ZNF571: variants seen among roughly 807,000 people sequenced by gnomAD.
The protein encoded by ZNF571 is zinc finger protein 571.
In ZNF571, 4 loss-of-function variants were observed where a neutral mutation model predicts 7.7. The ratio of observed to expected loss-of-function variants is 0.52; its 90% CI spans 0.25 to 1.18. The LOEUF (loss-of-function observed/expected upper bound fraction) is 1.18, where lower values mean the gene tolerates loss of function less well. Among genes scored for constraint, ZNF571 ranks in the 50% most tolerant of loss-of-function variants. ZNF571 has a pLI of 0.14. For missense variants in ZNF571, 704 were observed against 726.9 expected (o/e 0.97, Z 0.36); for synonymous variants, 251 against 232.4 (o/e 1.08, Z -0.73).
In ZNF571 at chr19:37,565,631, T is replaced by C. The variant is rs938766773; in HGVS notation, c.797A>G (p.Tyr266Cys). ...ACTATGAATTCTCTGATGAAGAGTA[T>C]ATTGTGAACAATAACTAAAGGCTTT... ...CGKAFSYCSQYTLHQRIHSGE... is the reference protein window; with the variant it reads ...CGKAFSYCSQCTLHQRIHSGE... The change falls in exon 4 of 4, where the codon TAT becomes TGT. Residue 266 changes from tyrosine (Y) to cysteine (C), a missense_variant. By Grantham distance (194) the Tyr-to-Cys change is radical. Transcript: ENST00000451802. 2 of 1,613,392 alleles carry C rather than the reference T, an allele frequency of 1.2e-6. No individual in the cohort carries two copies. The highest frequency in any genetic ancestry group is 1.7e-6 in the Non-Finnish European group (2 of 1,179,764).
chr19:37,566,553 T>G (rs993142525), intron 3 of ZNF571: 3 of 324,972 alleles, frequency 9.2e-6, no homozygotes, highest in Admixed American at 8.9e-5. Flanking sequence ...CCCAGGAGGC[T>G]TATAAAATAG....
intron 3 of ZNF571, among the ~76,000 whole-genome samples, chr19:37,578,475 T>C (rs1476696672): frequency 3.9e-5 from 6 of 152,158 alleles, no homozygotes; most frequent in Non-Finnish European, 5.9e-5. Flanking sequence ...GAAAGCCACC[T>C]AGAGTTTTTG....
At chr19:37,570,391 C>T (rs991046635) in intron 3 of ZNF571, among the ~76,000 whole-genome samples, 1 of 152,016 alleles carries the variant, frequency 6.6e-6, no homozygotes, top group South Asian at 2.1e-4. Flanking sequence ...TGTTTTCCTT[C>T]ATGTCTTTCC....
intron 3 of ZNF571, among the ~76,000 whole-genome samples, chr19:37,579,852 G>A (rs1202891114): frequency 6.6e-6 from 1 of 152,094 alleles, no homozygotes; most frequent in Non-Finnish European, 1.5e-5. Flanking sequence ...GCTGGAGGAG[G>A]AGATCCAATT....
chr19:37,572,974 A>G (rs942007380), intron 3 of ZNF571, among the ~76,000 whole-genome samples: 5 of 152,226 alleles, frequency 3.3e-5, no homozygotes, highest in African/African-American at 4.8e-5. Flanking sequence ...CTACGTCTCA[A>G]TAATATTTGT....
At chr19:37,580,097 A>G (rs2043397983) in intron 3 of ZNF571, among the ~76,000 whole-genome samples, 1 of 152,206 alleles carries the variant, frequency 6.6e-6, no homozygotes, top group Non-Finnish European at 1.5e-5. Flanking sequence ...TACACTAGCT[A>G]CTATAATTAT....
At chr19:37,568,380 C>T (rs2045909) in intron 3 of ZNF571, among the ~76,000 whole-genome samples, 128,148 of 151,018 alleles carry the variant, frequency 0.85, 54,758 homozygotes, top group African/African-American at 0.95. Flanking sequence ...GTCAGCAACA[C>T]ATCCTAGAAC....
intron 1 of ZNF571, among the ~76,000 whole-genome samples, chr19:37,593,174 A>G (rs1600547975): frequency 6.6e-6 from 1 of 152,274 alleles, no homozygotes; most frequent in East Asian, 1.9e-4. Flanking sequence ...TTTAAAATAT[A>G]ATGTCCTTTT....
intron 3 of ZNF571, among the ~76,000 whole-genome samples, chr19:37,571,500 A>G (rs1212609717): frequency 1.3e-5 from 2 of 152,156 alleles, no homozygotes; most frequent in Non-Finnish European, 2.9e-5. Context: ...CATCTCAAAA[A>G]AACAAAAACA....
At position 37,565,400 on chromosome 19, in the gene ZNF571, G is replaced by T. The variant is rs534302260; in HGVS notation, c.1028C>A (p.Ala343Asp). The T allele has an allele frequency of 1.1e-5, 17 of 1,613,588 alleles. No homozygotes were observed. In the South Asian group the frequency reaches 1.9e-4, roughly 18 times the overall value. The change falls in exon 4 of 4, where the codon GCC becomes GAC. Residue 343 changes from alanine to aspartate, a missense_variant. By Grantham distance (126) the Ala-to-Asp change is moderately radical. Coordinates refer to ENST00000451802, the MANE Select transcript of ZNF571 (RefSeq NM_016536.5). The part of the protein sequence containing the change: ...KPYICKECGK[A>D]FLCASQLNEH... ...ATTCAGTTGGGAGGCACATAAAAAG[G>T]CTTTCCCACATTCTTTACATATGTA...
chr19:37,568,050 A>T (rs570718632), intron 3 of ZNF571, among the ~76,000 whole-genome samples: 4 of 152,226 alleles, frequency 2.6e-5, no homozygotes, highest in Admixed American at 6.5e-5. Context: ...CACAATAAAG[A>T]TCTTATATTA....
chr19:37,579,561 C>T (rs868738172), intron 3 of ZNF571, among the ~76,000 whole-genome samples: 21 of 151,444 alleles, frequency 1.4e-4, no homozygotes, highest in African/African-American at 4.9e-4. Context: ...GAAAGTGGAC[C>T]CTACCTTTCA....
rs1367789468 is a variant in ZNF571 at position 37,568,765 on chromosome 19, A to G, written c.137-2474T>C. On this transcript the variant is annotated intron_variant, in intron 3 of 3. Coordinates refer to ENST00000451802, the MANE Select transcript of ZNF571 (RefSeq NM_016536.5). The stretch of plus-strand genomic sequence containing the variant: ...GTCATTAAATTAATGAAAAAACTAT[A>G]TGGTGAAAAAAGGGAAAACTGCAAA... Among the ~76,000 whole-genome samples, 4 of 152,164 alleles carry G rather than the reference A, an allele frequency of 2.6e-5. No individual in the cohort carries two copies. In the South Asian group the frequency reaches 8.3e-4, roughly 31 times the overall value.
In ZNF571 at chr19:37,565,956, C is replaced by G; in HGVS notation, c.472G>C (p.Glu158Gln). The G allele has an allele frequency of 6.2e-7, 1 of 1,613,790 alleles. No individual in the cohort carries two copies. Among genetic ancestry groups the G allele is most frequent in the Non-Finnish European group, 8.5e-7 (1 of 1,179,782 alleles). Residue 158 changes from glutamate (E) to glutamine (Q), a missense_variant, in exon 4 of 4, where the codon GAG becomes CAG. Physicochemically the swap from Glu to Gln is conservative, Grantham distance 29. Transcript: ENST00000451802. Reference protein sequence around the residue: ...FSYLSCLIQHEENHNIEKCSE... With the variant: ...FSYLSCLIQHQENHNIEKCSE... ...CATTTTTCTATATTATGATTTTCCT[C>G]ATGTTGAATAAGGCATGACAGGTAG... is the stretch of plus-strand genomic sequence containing the variant.
chr19:37,575,675 T>A (rs957512541), intron 3 of ZNF571: 2 of 152,200 alleles, frequency 1.3e-5, no homozygotes, highest in African/African-American at 4.8e-5. Context: ...TAATAAGACA[T>A]CTTGGTGGAC....
intron 2 of ZNF571, chr19:37,585,308 TTAAATA>T (rs1732191990): frequency 6.6e-6 from 1 of 152,254 alleles, no homozygotes; most frequent in Non-Finnish European, 1.5e-5. Flanking sequence ...GCTTGCTTGC[TTAAATA>T]TAATTACTTT....
At chr19:37,579,254 G>A (rs2043359127) in intron 3 of ZNF571, among the ~76,000 whole-genome samples, 1 of 152,192 alleles carries the variant, frequency 6.6e-6, no homozygotes, top group Non-Finnish European at 1.5e-5. Context: ...AGCCCCTTCA[G>A]GTCTCACACA....
intron 3 of ZNF571, among the ~76,000 whole-genome samples, chr19:37,571,504 A>T (rs983700929): frequency 1.3e-5 from 2 of 152,168 alleles, no homozygotes. Context: ...TCAAAAAAAC[A>T]AAAACAAACA....
chr19:37,588,099 C>CAAAAAAAAAAAAAAAAA, intron 1 of ZNF571, among the ~76,000 whole-genome samples: 1 of 45,742 alleles, frequency 2.2e-5, no homozygotes, highest in Non-Finnish European at 3.8e-5. Context: ...GACTCCATCT[C>CAAAAAAAAAAAAAAAAA]AAAAAAAAAA....
Sources: gnomAD v4.1 joint callset for allele counts (sites outside exome capture counted in the v4.1 genomes callset) on GRCh38, gnomAD v4.1.1 for gene constraint, MANE v1.5 for transcripts, NCBI Gene and HGNC (gene_info 2026-07-23, HGNC 2026-07-21) for gene names.